The following PSG6 variants were observed in gnomAD, a reference collection of about 807,000 sequenced individuals.
PSG6 encodes pregnancy-specific beta-1-glycoprotein 6.
PSG6 carries 51 observed loss-of-function variants against 43.3 expected under a neutral mutation model. The ratio of observed to expected loss-of-function variants is 1.18; its 90% CI spans 0.94 to 1.49. The LOEUF (loss-of-function observed/expected upper bound fraction) is 1.49. PSG6 is among the 40% of genes most tolerant of loss of function. PSG6 has a pLI of 0.00. For synonymous variants in PSG6, 292 were observed against 197.6 expected (o/e 1.48, Z -4.01); for missense variants, 770 against 522.2 (o/e 1.47, Z -4.62).
chr19:42,916,049 GC>G (rs1385381541), intron 2 of PSG6, 75 bp downstream of exon 2: 1 of 1,594,940 alleles, frequency 6.3e-7, no homozygotes, highest in African/African-American at 1.4e-5. Context: ...CAGAGTCCAG[GC>G]CTGACAATTC....
intron 1 of PSG6, 50 bp downstream of exon 1, chr19:42,917,679 A>T (rs780458136): frequency 6.2e-7 from 1 of 1,601,354 alleles, no homozygotes; most frequent in African/African-American, 1.3e-5. Context: ...TACCCCATCC[A>T]GTCACTCTGC....
intron 5 of PSG6, chr19:42,903,723 TACA>T: frequency 7.0e-7 from 1 of 1,425,842 alleles, no homozygotes; most frequent in Non-Finnish European, 9.1e-7. Context: ...ATGCTGTCTC[TACA>T]AAAAAAAAAA....
chr19:42,912,156 G>A (rs1409457493), intron 2 of PSG6, among the ~76,000 whole-genome samples: 1 of 151,594 alleles, frequency 6.6e-6, no homozygotes, highest in Non-Finnish European at 1.5e-5. Flanking sequence ...CTTCTTTTTA[G>A]CATCACATCA....
intron 3 of PSG6, chr19:42,910,256 T>A: frequency 1.9e-6 from 1 of 536,660 alleles, no homozygotes. Flanking sequence ...ACAGTCACAG[T>A]GACCCTGTGA....
chr19:42,903,314 T>G (rs1438294637), intron 5 of PSG6, among the ~76,000 whole-genome samples: 1 of 151,536 alleles, frequency 6.6e-6, no homozygotes, highest in Non-Finnish European at 1.5e-5. Flanking sequence ...GTGCAAGAAA[T>G]TTATAACTGT....
At chr19:42,906,649 C>T (rs1169656976) in intron 5 of PSG6, 1 of 1,396,118 alleles carries the variant, frequency 7.2e-7, no homozygotes, top group African/African-American at 1.5e-5. Context: ...TCTTGTCCCT[C>T]TGTGAAGCCT....
chr19:42,909,528 C>A (rs142272038), intron 3 of PSG6, among the ~76,000 whole-genome samples: 3,739 of 151,642 alleles, frequency 0.025, 213 homozygotes, highest in African/African-American at 0.085. Flanking sequence ...AACAATATTG[C>A]TTCTTCCAAT....
chr19:42,906,425 C>T (rs1972113244), intron 5 of PSG6, among the ~76,000 whole-genome samples: 1 of 151,528 alleles, frequency 6.6e-6, no homozygotes, highest in Non-Finnish European at 1.5e-5. Flanking sequence ...AGGCCAGTCA[C>T]CAGAGGAGCC....
chr19:42,910,486 T>C lies in PSG6; in HGVS notation c.706+94A>G, dbSNP rs770144115. The stretch of plus-strand genomic sequence containing the variant: ...TTTGATGTTCAGGGATAAAGGTCTC[T>C]GTACTTGGACCTGAGAGGGACTGAG... On this transcript the variant is annotated intron_variant, in intron 3 of 5. Coordinates refer to ENST00000187910, the MANE Select transcript of PSG6 (RefSeq NM_001031850.4). The C allele has an allele frequency of 1.6e-5, 26 of 1,611,778 alleles. 2 individuals are homozygous for C. The South Asian group carries it at 2.5e-4, about 16-fold the overall frequency.
At position 42,916,439 on chromosome 19, in the gene PSG6, A is replaced by G. The variant is rs146130441; in HGVS notation, c.113T>C (p.Ile38Thr). ...GGAAACTTTGGGTGGCTTGGCTTCAATTATTACTTGGGCAGTGGTGGGCAG... is the reference window on the plus strand; with the variant it reads ...GGAAACTTTGGGTGGCTTGGCTTCAGTTATTACTTGGGCAGTGGTGGGCAG... The part of the protein sequence containing the change: ...WNLPTTAQVI[I>T]EAKPPKVSEG... Residue 38 changes from isoleucine to threonine, a missense_variant, in exon 2 of 6, where the codon ATT becomes ACT. Ile to Thr is a moderately conservative substitution (Grantham distance 89). Coordinates refer to ENST00000187910, the MANE Select transcript of PSG6 (RefSeq NM_001031850.4). 2.0e-5 allele frequency: 32 copies of G among 1,611,838 alleles called. 1 individual carries two copies. Among genetic ancestry groups the G allele is most frequent in the African/African-American group, 8.0e-5 (6 of 74,624 alleles).
intron 1 of PSG6, among the ~76,000 whole-genome samples, chr19:42,917,424 T>C (rs749307774): frequency 6.8e-6 from 1 of 146,986 alleles, no homozygotes; most frequent in Non-Finnish European, 1.5e-5. Flanking sequence ...CGTGCAGTGG[T>C]GCTGTCTCGG....
intron 2 of PSG6, 106 bp from the exon 3 acceptor site, chr19:42,910,964 C>A: frequency 1.3e-6 from 2 of 1,513,504 alleles, no homozygotes; most frequent in Middle Eastern, 2.3e-4. Context: ...CCACCCAAGT[C>A]CTTAAAAGCC....
Position 42,910,789 on chromosome 19 carries a change from A to T in PSG6, c.497T>A (p.Leu166Ter), listed in dbSNP as rs921849367. The change falls in exon 3 of 6, where the codon TTA (leucine) becomes TAA (stop). Residue 166 changes from leucine to a stop codon, truncating the protein, a stop_gained. Transcript: ENST00000187910. LOFTEE classifies it high-confidence loss of function. ...NPREVMEAVR[L>*]ICDPETPDAS... ...ATCCGGAGTCTCAGGATCACAGATTAAGCGCACAGCCTCCATGACCTCCCT... is the reference window on the plus strand; with the variant it reads ...ATCCGGAGTCTCAGGATCACAGATTTAGCGCACAGCCTCCATGACCTCCCT... 13 of 1,612,184 alleles carry T rather than the reference A, an allele frequency of 8.1e-6. No homozygotes were observed. The highest frequency in any genetic ancestry group is 1.1e-5 in the Non-Finnish European group (13 of 1,179,228).
At chr19:42,914,991 A>C (rs1972297977) in intron 2 of PSG6, among the ~76,000 whole-genome samples, 1 of 151,616 alleles carries the variant, frequency 6.6e-6, no homozygotes, top group African/African-American at 2.4e-5. Flanking sequence ...GTACAGACTA[A>C]TCAGCTGACC....
At chr19:42,917,229 A>T (rs1972353741) in intron 1 of PSG6, among the ~76,000 whole-genome samples, 2 of 151,442 alleles carry the variant, frequency 1.3e-5, no homozygotes, top group African/African-American at 4.9e-5. Flanking sequence ...AGAACACTTA[A>T]GATTTTACTA....
intron 4 of PSG6, among the ~76,000 whole-genome samples, 192 bp downstream of exon 4, chr19:42,907,384 C>CA (rs1568442663): frequency 3.3e-5 from 5 of 151,886 alleles, no homozygotes; most frequent in Non-Finnish European, 5.9e-5. Flanking sequence ...ATGACAAGAG[C>CA]GCCCCTCCCC....
At chr19:42,913,255 A>G (rs1972261937) in intron 2 of PSG6, among the ~76,000 whole-genome samples, 1 of 151,386 alleles carries the variant, frequency 6.6e-6, no homozygotes, top group Admixed American at 6.6e-5. Flanking sequence ...GGTTCATGCC[A>G]TTCTCCTGCC....
chr19:42,915,773 T>G, intron 2 of PSG6: 1 of 419,684 alleles, frequency 2.4e-6, no homozygotes, highest in South Asian at 5.9e-5. Flanking sequence ...TGAGGGTATC[T>G]CAGTGGGCCC....
chr19:42,911,907 G>C (rs1972234010), intron 2 of PSG6, among the ~76,000 whole-genome samples: 1 of 151,454 alleles, frequency 6.6e-6, no homozygotes, highest in South Asian at 2.1e-4. Context: ...TGAAATCACG[G>C]GTATAGGGCG....
Sources: gnomAD v4.1 joint callset for allele counts (sites outside exome capture counted in the v4.1 genomes callset) on GRCh38, gnomAD v4.1.1 for gene constraint, MANE v1.5 for transcripts, NCBI Gene and HGNC (gene_info 2026-07-23, HGNC 2026-07-21) for gene names.